The following PDGFD variants were observed in gnomAD, a reference collection of about 807,000 sequenced individuals.
PDGFD encodes the protein platelet-derived growth factor D.
PDGFD carries 30 observed loss-of-function variants against 44.7 expected under a neutral mutation model. The observed-to-expected ratio is 0.67, with a 90% CI of 0.50 to 0.91. The LOEUF (loss-of-function observed/expected upper bound fraction) is 0.91, where lower values mean the gene tolerates loss of function less well. Ranked by LOEUF, PDGFD falls within the 40% of genes least tolerant of loss-of-function variation. The probability of loss-of-function intolerance (pLI) is 0.00; values close to 1 mark genes in which losing one functional copy is unlikely to be tolerated. For synonymous variants in PDGFD, 173 were observed against 168.4 expected (o/e 1.03, Z -0.21); for missense variants, 445 against 457.8 (o/e 0.97, Z 0.25).
At chr11:104,058,319 T>A (rs1156382028) in intron 1 of PDGFD, among the ~76,000 whole-genome samples, 1 of 152,074 alleles carries the variant, frequency 6.6e-6, no homozygotes, top group African/African-American at 2.4e-5. Context: ...AATAACTCAA[T>A]ACAACATGGG....
intron 1 of PDGFD, among the ~76,000 whole-genome samples, chr11:104,152,718 G>A (rs924096972): frequency 2.6e-5 from 4 of 151,962 alleles, no homozygotes; most frequent in Non-Finnish European, 5.9e-5. Flanking sequence ...ATATTTCACT[G>A]ATAATTCTCC....
intron 1 of PDGFD, among the ~76,000 whole-genome samples, chr11:104,130,962 C>T (rs1385054801): frequency 1.3e-5 from 2 of 152,096 alleles, no homozygotes; most frequent in Non-Finnish European, 2.9e-5. Flanking sequence ...ACAATATTTG[C>T]TTATCATTTT....
chr11:104,086,171 A>C (rs548805783), intron 1 of PDGFD, among the ~76,000 whole-genome samples: 1 of 152,320 alleles, frequency 6.6e-6, no homozygotes, highest in Non-Finnish European at 1.5e-5. Flanking sequence ...CAGCAAAAAC[A>C]GCAATGATGT....
chr11:104,052,651 T>G (rs1373474858), intron 1 of PDGFD, among the ~76,000 whole-genome samples: 1 of 152,130 alleles, frequency 6.6e-6, no homozygotes, highest in African/African-American at 2.4e-5. Context: ...TAATGTTGTA[T>G]GGCTGACATG....
rs1857960222 is a variant in PDGFD, at chr11:103,907,821, C to A, written c.*1873G>T. On this transcript the variant is annotated 3_prime_UTR_variant, in exon 7 of 7. Transcript: ENST00000393158. ...GAGCGTTCTTAATTATTAGTGTCTG[C>A]CTGAGCTATTTCTGATTGTGTTCTG... 1 of 151,674 alleles carries A rather than the reference C, an allele frequency of 6.6e-6. No homozygotes were observed. The highest frequency in any genetic ancestry group is 1.5e-5 in the Non-Finnish European group (1 of 67,878). The allele number at this position is 151,674 out of a possible 1,614,324, so 9.4% of individuals were successfully genotyped here.
intron 1 of PDGFD, among the ~76,000 whole-genome samples, chr11:104,113,333 G>A (rs1861588236): frequency 6.6e-6 from 1 of 152,128 alleles, no homozygotes. Flanking sequence ...GCATTGGCAA[G>A]GATGGGGGAG....
intron 6 of PDGFD, among the ~76,000 whole-genome samples, chr11:103,912,445 C>A (rs575184156): frequency 1.6e-4 from 24 of 152,284 alleles, no homozygotes; most frequent in African/African-American, 5.8e-4. Flanking sequence ...ATTTTTGTCA[C>A]CACCAGGCCT....
chr11:103,987,073 C>A (rs80292430), intron 3 of PDGFD, among the ~76,000 whole-genome samples: 1 of 117,780 alleles, frequency 8.5e-6, no homozygotes, highest in African/African-American at 3.0e-5. Flanking sequence ...CAACCCCCCC[C>A]CACCCCAAAC....
chr11:103,933,836 T>C (rs1251131163), intron 5 of PDGFD, among the ~76,000 whole-genome samples: 1 of 152,184 alleles, frequency 6.6e-6, no homozygotes, highest in East Asian at 1.9e-4. Context: ...AGCACATATG[T>C]ACTGGAAAAT....
chr11:103,986,854 G>C (rs988447203), intron 3 of PDGFD, among the ~76,000 whole-genome samples: 8 of 152,110 alleles, frequency 5.3e-5, no homozygotes, highest in African/African-American at 1.7e-4. Context: ...ATTGCTCCTC[G>C]GGATAACATC....
In PDGFD at chr11:104,022,257, T is replaced by C. The variant is rs1354237168; in HGVS notation, c.125-22002A>G. The stretch of plus-strand genomic sequence containing the variant: ...AAAGTAGAGTTTGTATTTCACACTG[T>C]GGACTCAATTGATCTACAATCCTTC... On this transcript the variant is annotated intron_variant, in intron 1 of 6. Coordinates refer to ENST00000393158, the MANE Select transcript of PDGFD (RefSeq NM_025208.5). Among the ~76,000 whole-genome samples, 9 of 152,192 alleles carry C rather than the reference T, an allele frequency of 5.9e-5. No homozygotes were observed. The East Asian group carries it at 1.7e-3, about 29-fold the overall frequency.
chr11:104,152,850 T>C (rs1195584065), intron 1 of PDGFD, among the ~76,000 whole-genome samples: 1 of 152,168 alleles, frequency 6.6e-6, no homozygotes, highest in Non-Finnish European at 1.5e-5. Flanking sequence ...CTGTTCATAA[T>C]AGATATTAAA....
chr11:104,126,516 A>G (rs901783807), intron 1 of PDGFD, among the ~76,000 whole-genome samples: 2 of 152,200 alleles, frequency 1.3e-5, no homozygotes, highest in African/African-American at 2.4e-5. Context: ...TTTTAAGGAG[A>G]AAAACAATCT....
At chr11:104,122,248 G>C (rs994149224) in intron 1 of PDGFD, among the ~76,000 whole-genome samples, 4 of 151,992 alleles carry the variant, frequency 2.6e-5, no homozygotes, top group Admixed American at 6.6e-5. Flanking sequence ...TAACATGAAG[G>C]CTCCATTTTT....
Position 103,984,721 on chromosome 11 carries a change from A to G in PDGFD, c.510+11344T>C, listed in dbSNP as rs896317440. 2.0e-5 allele frequency among the ~76,000 whole-genome samples: 3 copies of G among 149,958 alleles called. No individual in the cohort carries two copies. In the East Asian group the frequency reaches 5.8e-4, roughly 29 times the overall value. Reference sequence around the variant, plus strand: ...AGCCATAATGTTGATTTAAAAAAACAGTAACTTGAGTACTTGATGGAGAGG... The same window carrying G: ...AGCCATAATGTTGATTTAAAAAAACGGTAACTTGAGTACTTGATGGAGAGG... On this transcript the variant is annotated intron_variant, in intron 3 of 6. Transcript: ENST00000393158.
chr11:103,987,092 C>T (rs1859378545), intron 3 of PDGFD, among the ~76,000 whole-genome samples: 1 of 136,840 alleles, frequency 7.3e-6, no homozygotes, highest in Non-Finnish European at 1.5e-5. Flanking sequence ...ACAAATTATC[C>T]TTAAAAACTC....
intron 5 of PDGFD, among the ~76,000 whole-genome samples, chr11:103,934,745 G>A (rs1591083076): frequency 6.6e-6 from 1 of 152,092 alleles, no homozygotes. Context: ...AATAGCATGG[G>A]GAAAACCATC....
At chr11:103,912,083 C>A (rs1338416121) in intron 6 of PDGFD, among the ~76,000 whole-genome samples, 1 of 152,056 alleles carries the variant, frequency 6.6e-6, no homozygotes, top group Non-Finnish European at 1.5e-5. Flanking sequence ...AGAATTTCCC[C>A]ATCTATCAGG....
intron 1 of PDGFD, among the ~76,000 whole-genome samples, chr11:104,122,650 C>A (rs552083383): frequency 2.8e-4 from 42 of 152,020 alleles, no homozygotes; most frequent in Admixed American, 1.4e-3. Flanking sequence ...AAAGGAACCT[C>A]GGGTATAACC....
Sources: allele counts gnomAD v4.1 joint callset (sites outside exome capture counted in the v4.1 genomes callset), GRCh38; gene constraint gnomAD v4.1.1; transcripts MANE v1.5; gene names NCBI Gene and HGNC (gene_info 2026-07-23, HGNC 2026-07-21).